XKR6: variants seen among roughly 807,000 people sequenced by gnomAD.
The protein encoded by XKR6 is XK related 6, also known as XK-related protein 6.
Under a neutral mutation model 56.7 loss-of-function variants are expected in XKR6, and 22 were observed. The observed-to-expected ratio is 0.39, with a 90% CI of 0.28 to 0.55. The LOEUF (loss-of-function observed/expected upper bound fraction) is 0.55, where lower values mean the gene tolerates loss of function less well. Among genes scored for constraint, XKR6 ranks in the 20% least tolerant of loss-of-function variants. XKR6 has a pLI of 0.66. For synonymous variants in XKR6, 524 were observed against 387.8 expected (o/e 1.35, Z -4.13); for missense variants, 852 against 889.0 (o/e 0.96, Z 0.53).
chr8:11,042,283 T>G (rs1443921793), intron 1 of XKR6, among the ~76,000 whole-genome samples: 1 of 152,082 alleles, frequency 6.6e-6, no homozygotes, highest in East Asian at 1.9e-4. Flanking sequence ...GTTGAGTATC[T>G]GATATGGTTT....
At chr8:11,060,390 T>A (rs759924292) in intron 1 of XKR6, among the ~76,000 whole-genome samples, 1 of 152,110 alleles carries the variant, frequency 6.6e-6, no homozygotes, top group Non-Finnish European at 1.5e-5. Flanking sequence ...CCCTAGACCA[T>A]GCTAAACCTA....
At chr8:11,095,582 T>A (rs10108618) in intron 1 of XKR6, among the ~76,000 whole-genome samples, 1 of 152,008 alleles carries the variant, frequency 6.6e-6, no homozygotes, top group Non-Finnish European at 1.5e-5. Context: ...ATTCTCCTAG[T>A]GAACAGATGT....
chr8:11,074,969 C>T (rs1223927439), intron 1 of XKR6, among the ~76,000 whole-genome samples: 3 of 152,322 alleles, frequency 2.0e-5, no homozygotes, highest in South Asian at 2.1e-4. Flanking sequence ...CATGGGGCAG[C>T]AGACCAGACC....
chr8:10,967,235 T>C (rs1802254074), intron 1 of XKR6, among the ~76,000 whole-genome samples: 1 of 152,154 alleles, frequency 6.6e-6, no homozygotes, highest in South Asian at 2.1e-4. Context: ...GTGAAAGCGG[T>C]TCACTATGTA....
At chr8:10,913,984 A>T (rs912041181) in intron 2 of XKR6, among the ~76,000 whole-genome samples, 1 of 152,166 alleles carries the variant, frequency 6.6e-6, no homozygotes, top group African/African-American at 2.4e-5. Flanking sequence ...CTGGGAATGC[A>T]GTCAGGACTC....
At chr8:10,968,817 G>A (rs1802310423) in intron 1 of XKR6, among the ~76,000 whole-genome samples, 1 of 152,256 alleles carries the variant, frequency 6.6e-6, no homozygotes, top group East Asian at 1.9e-4. Flanking sequence ...CTGGGCACAG[G>A]GCTCGGGCAG....
At chr8:11,175,220 CTGATG>C (rs1488164612) in intron 1 of XKR6, 2 of 152,590 alleles carry the variant, frequency 1.3e-5, no homozygotes, top group African/African-American at 4.8e-5. Context: ...TGGTATCATT[CTGATG>C]TTACAATGGT....
chr8:11,078,620 T>C (rs1466512988), intron 1 of XKR6, among the ~76,000 whole-genome samples: 1 of 152,098 alleles, frequency 6.6e-6, no homozygotes, highest in African/African-American at 2.4e-5. Flanking sequence ...GGGTTGTGGC[T>C]CCCTTCCTGC....
chr8:10,899,493 T>C (rs866848860), intron 2 of XKR6, among the ~76,000 whole-genome samples: 4 of 152,216 alleles, frequency 2.6e-5, no homozygotes, highest in South Asian at 2.1e-4. Context: ...CTCCCTGACC[T>C]GCCACCCAAG....
intron 1 of XKR6, among the ~76,000 whole-genome samples, chr8:11,031,543 C>T (rs1212634737): frequency 6.6e-6 from 1 of 152,180 alleles, no homozygotes; most frequent in African/African-American, 2.4e-5. Flanking sequence ...ACAGTAAGGC[C>T]GGAGAGTCAG....
chr8:11,071,567 AGTCCATGAGCCCC>A (rs1413013865), intron 1 of XKR6, among the ~76,000 whole-genome samples: 2 of 141,650 alleles, frequency 1.4e-5, no homozygotes, highest in East Asian at 4.2e-4. Context: ...ATGAGCCCCG[AGTCCATGAGCCCC>A]GAGTCCATGA....
chr8:10,951,312 C>CGGG (rs1801717427), intron 1 of XKR6, among the ~76,000 whole-genome samples: 65 of 99,670 alleles, frequency 6.5e-4, no homozygotes, highest in Middle Eastern at 6.8e-3. Context: ...GGGGGGGGGC[C>CGGG]CCCACAGTGG....
intron 1 of XKR6, among the ~76,000 whole-genome samples, chr8:10,955,116 G>A (rs946203867): frequency 2.0e-5 from 3 of 152,032 alleles, no homozygotes; most frequent in African/African-American, 7.3e-5. Flanking sequence ...TGATCCGTCA[G>A]CCTTGGCCTC....
At chr8:10,953,797 C>T (rs1563309159) in intron 1 of XKR6, among the ~76,000 whole-genome samples, 1 of 152,196 alleles carries the variant, frequency 6.6e-6, no homozygotes, top group African/African-American at 2.4e-5. Flanking sequence ...AAATCCTGGA[C>T]TCACAAGCAG....
chr8:10,923,262 C>T (rs10113176), intron 2 of XKR6, among the ~76,000 whole-genome samples: 2,185 of 152,334 alleles, frequency 0.014, 58 homozygotes, highest in African/African-American at 0.048. Flanking sequence ...AAGGGTCACA[C>T]GGCCCCTTTT....
At chr8:10,951,441 T>G (rs1242615311) in intron 1 of XKR6, among the ~76,000 whole-genome samples, 1 of 152,018 alleles carries the variant, frequency 6.6e-6, no homozygotes, top group Admixed American at 6.6e-5. Flanking sequence ...GCTGGGAAGG[T>G]GTGAGTGAAG....
chr8:10,977,337 C>G (rs1586382043), intron 1 of XKR6, among the ~76,000 whole-genome samples: 1 of 152,016 alleles, frequency 6.6e-6, no homozygotes, highest in East Asian at 1.9e-4. Flanking sequence ...ACACCCTGCC[C>G]TCTGGTGGCC....
At chr8:10,954,423 G>C (rs543690964) in intron 1 of XKR6, among the ~76,000 whole-genome samples, 1 of 152,218 alleles carries the variant, frequency 6.6e-6, no homozygotes, top group Non-Finnish European at 1.5e-5. Context: ...ATGATGTTCA[G>C]TGTCTTTTCA....
intron 1 of XKR6, among the ~76,000 whole-genome samples, chr8:10,977,223 G>C (rs1802593605): frequency 6.6e-6 from 1 of 152,080 alleles, no homozygotes; most frequent in African/African-American, 2.4e-5. Flanking sequence ...TACTAAGATG[G>C]AACCCAGGAG....
Sources: gnomAD v4.1 joint callset for allele counts (sites outside exome capture counted in the v4.1 genomes callset) on GRCh38, gnomAD v4.1.1 for gene constraint, MANE v1.5 for transcripts, NCBI Gene and HGNC (gene_info 2026-07-23, HGNC 2026-07-21) for gene names.